RIMS1: variants seen among roughly 807,000 people sequenced by gnomAD.
The protein encoded by RIMS1 is regulating synaptic membrane exocytosis 1, also known as regulating synaptic membrane exocytosis protein 1.
Under a neutral mutation model 214.1 loss-of-function variants are expected in RIMS1, and 83 were observed. That is an observed-to-expected ratio of 0.39 (90% CI 0.32 to 0.47). The LOEUF is 0.47. Ranked by LOEUF, RIMS1 falls within the 20% of genes least tolerant of loss-of-function variation. RIMS1 has a pLI of 0.99. For synonymous variants in RIMS1, 793 were observed against 786.8 expected (o/e 1.01, Z -0.13); for missense variants, 2,050 against 2,161.8 (o/e 0.95, Z 1.03).
chr6:72,289,605 G>C (rs2093007100), intron 24 of RIMS1, among the ~76,000 whole-genome samples: 1 of 151,974 alleles, frequency 6.6e-6, no homozygotes, highest in Non-Finnish European at 1.5e-5. Flanking sequence ...TGTTGTTCTT[G>C]AATGAATAAG....
At chr6:72,367,935 AT>A (rs1206059802) in intron 29 of RIMS1, among the ~76,000 whole-genome samples, 8 of 152,126 alleles carry the variant, frequency 5.3e-5, no homozygotes, top group Non-Finnish European at 7.4e-5. Context: ...TATTAAATTA[AT>A]TCCTAATTTC....
chr6:72,258,301 C>T lies in RIMS1; in HGVS notation c.2927+20C>T. On this transcript the variant is annotated intron_variant, in intron 17 of 33. Coordinates refer to ENST00000521978, the MANE Select transcript of RIMS1 (RefSeq NM_014989.7). ...ACAGAGGTAGGCTTTGAAATGGGCT[C>T]AGTGTCCCTGACAGTACATTTTTAT... 2 of 1,608,984 alleles carry T rather than the reference C, an allele frequency of 1.2e-6. No homozygotes were observed. The highest frequency in any genetic ancestry group is 1.7e-6 in the Non-Finnish European group (2 of 1,176,368).
At chr6:72,299,536 G>A (rs1345068572) in intron 26 of RIMS1, among the ~76,000 whole-genome samples, 1 of 151,334 alleles carries the variant, frequency 6.6e-6, no homozygotes, top group Non-Finnish European at 1.5e-5. Context: ...TTTTTTTTAA[G>A]TACCAGGTTT....
At chr6:72,091,117 C>G (rs947939695) in intron 2 of RIMS1, among the ~76,000 whole-genome samples, 6 of 152,224 alleles carry the variant, frequency 3.9e-5, no homozygotes, top group African/African-American at 1.4e-4. Context: ...CATCCTAAAG[C>G]AATCCTCCTG....
chr6:72,070,703 C>T (rs966972401), intron 2 of RIMS1, among the ~76,000 whole-genome samples: 3 of 152,114 alleles, frequency 2.0e-5, no homozygotes, highest in African/African-American at 4.8e-5. Flanking sequence ...GGGGTAGAGC[C>T]GCAACTTTAC....
chr6:72,075,830 T>C (rs958668567), intron 2 of RIMS1, among the ~76,000 whole-genome samples: 1 of 152,236 alleles, frequency 6.6e-6, no homozygotes, highest in Non-Finnish European at 1.5e-5. Flanking sequence ...ATCTGTCTTA[T>C]AGTTCTGAAT....
At chr6:72,308,238 C>T (rs2095328971) in intron 27 of RIMS1, among the ~76,000 whole-genome samples, 1 of 151,976 alleles carries the variant, frequency 6.6e-6, no homozygotes, top group African/African-American at 2.4e-5. Context: ...TCTAAGGAAA[C>T]ACCAAGGAGT....
Position 72,193,933 on chromosome 6 carries a change from AT to A in RIMS1, c.1678+10793del, listed in dbSNP as rs950674807. Among the ~76,000 whole-genome samples the A allele has an allele frequency of 1.6e-4, 24 of 151,726 alleles. 1 individual carries two copies. Among genetic ancestry groups the A allele is most frequent in the East Asian group, 1.4e-3 (7 of 5,174 alleles). ...AAGGCAAAGGATGATCTGGGAAGAA[AT>A]TTTTTTTTAGAGTAATTCAAGTTTT... is the stretch of plus-strand genomic sequence containing the variant. On this transcript the variant is annotated intron_variant, in intron 6 of 33. Transcript: ENST00000521978.
At chr6:72,277,599 A>G (rs1025692273) in intron 23 of RIMS1, among the ~76,000 whole-genome samples, 1 of 151,298 alleles carries the variant, frequency 6.6e-6, no homozygotes, top group East Asian at 1.9e-4. Context: ...AAAAAAGAAT[A>G]TTTTCTAGAA....
chr6:72,168,027 G>A (rs2046512182), intron 4 of RIMS1, among the ~76,000 whole-genome samples: 1 of 151,926 alleles, frequency 6.6e-6, no homozygotes, highest in African/African-American at 2.4e-5. Context: ...TTTATTGCAG[G>A]AGCAATAAAA....
At chr6:71,976,206 G>A (rs1172575353) in intron 2 of RIMS1, among the ~76,000 whole-genome samples, 3 of 152,004 alleles carry the variant, frequency 2.0e-5, no homozygotes, top group African/African-American at 7.2e-5. Flanking sequence ...CTAAATTCTT[G>A]TTAACACTTG....
chr6:72,155,652 G>C (rs1481277085), intron 4 of RIMS1, among the ~76,000 whole-genome samples: 1 of 140,966 alleles, frequency 7.1e-6, no homozygotes, highest in African/African-American at 2.5e-5. Flanking sequence ...AGCAGGCAAA[G>C]AGAGCACTTG....
At chr6:72,040,183 A>G (rs554373393) in intron 2 of RIMS1, among the ~76,000 whole-genome samples, 1 of 152,190 alleles carries the variant, frequency 6.6e-6, no homozygotes, top group East Asian at 1.9e-4. Context: ...GAAGAGTAGA[A>G]CTACATTCTT....
intron 29 of RIMS1, among the ~76,000 whole-genome samples, chr6:72,372,643 G>A (rs1428642460): frequency 2.0e-5 from 3 of 152,182 alleles, no homozygotes; most frequent in Non-Finnish European, 4.4e-5. Flanking sequence ...ATTTGAAGGA[G>A]CATACTTAAG....
chr6:72,264,509 A>G (rs1016553699), intron 19 of RIMS1, among the ~76,000 whole-genome samples: 1 of 152,016 alleles, frequency 6.6e-6, no homozygotes, highest in Non-Finnish European at 1.5e-5. Flanking sequence ...GCAGTCTGGT[A>G]CTATGACCAG....
At chr6:72,056,591 G>A (rs1365546706) in intron 2 of RIMS1, among the ~76,000 whole-genome samples, 1 of 152,118 alleles carries the variant, frequency 6.6e-6, no homozygotes, top group African/African-American at 2.4e-5. Context: ...TTCAGTATAT[G>A]AATGACTCTC....
intron 26 of RIMS1, among the ~76,000 whole-genome samples, chr6:72,305,226 A>T (rs1198350558): frequency 1.3e-5 from 2 of 152,052 alleles, no homozygotes; most frequent in Admixed American, 1.3e-4. Context: ...TCTGTGTCAG[A>T]CTGCTTCTGG....
At chr6:72,100,650 G>A (rs1187051815) in intron 4 of RIMS1, among the ~76,000 whole-genome samples, 1 of 151,960 alleles carries the variant, frequency 6.6e-6, no homozygotes, top group Non-Finnish European at 1.5e-5. Context: ...TTCATTTGGT[G>A]TAAATTTTAT....
At chr6:72,286,725 C>T (rs989029287) in intron 24 of RIMS1, among the ~76,000 whole-genome samples, 5 of 151,766 alleles carry the variant, frequency 3.3e-5, no homozygotes, top group Non-Finnish European at 5.9e-5. Context: ...ACACGTGAAC[C>T]GAAGACACAG....
Sources: gnomAD v4.1 joint callset for allele counts (sites outside exome capture counted in the v4.1 genomes callset) on GRCh38, gnomAD v4.1.1 for gene constraint, MANE v1.5 for transcripts, NCBI Gene and HGNC (gene_info 2026-07-23, HGNC 2026-07-21) for gene names.